NELL1: variants seen among roughly 807,000 people sequenced by gnomAD.
The protein encoded by NELL1 is neural EGFL like 1.
A neutral mutation model predicts 107.4 loss-of-function variants in NELL1; 76 were observed. The ratio of observed to expected loss-of-function variants is 0.71; its 90% CI spans 0.59 to 0.86. The LOEUF (loss-of-function observed/expected upper bound fraction) is 0.86, where lower values mean the gene tolerates loss of function less well. NELL1 is among the 40% of genes least tolerant of loss of function. The probability of loss-of-function intolerance (pLI) is 0.00; values close to 1 mark genes in which losing one functional copy is unlikely to be tolerated. For synonymous variants in NELL1, 353 were observed against 341.2 expected, an observed-to-expected ratio of 1.03 and a Z score of -0.38; for missense variants, 1,024 against 1,005.5, an observed-to-expected ratio of 1.02 and a Z score of -0.25.
chr11:21,160,143 A>T (rs755643320), intron 13 of NELL1, among the ~76,000 whole-genome samples: 3 of 152,210 alleles, frequency 2.0e-5, no homozygotes, highest in Non-Finnish European at 4.4e-5. Flanking sequence ...CAAAGAGAGC[A>T]TATGTAGGTC....
intron 13 of NELL1, chr11:21,169,747 A>G: frequency 9.9e-7 from 1 of 1,013,736 alleles, no homozygotes; most frequent in Non-Finnish European, 1.4e-6. Flanking sequence ...GACCAGTCTG[A>G]CTCCTAGGCA....
chr11:20,784,940 A>G (rs894799757), intron 3 of NELL1, among the ~76,000 whole-genome samples: 1 of 152,228 alleles, frequency 6.6e-6, no homozygotes, highest in African/African-American at 2.4e-5. Flanking sequence ...ACAATGAAGT[A>G]TGGAGCTAAT....
intron 14 of NELL1, 86 bp from the exon 15 acceptor site, chr11:21,370,767 A>G: frequency 9.9e-7 from 1 of 1,005,592 alleles, no homozygotes. Flanking sequence ...GCAACAAAGA[A>G]AGAATTGCTT....
intron 2 of NELL1, among the ~76,000 whole-genome samples, chr11:20,701,824 T>C (rs1043769640): frequency 6.6e-6 from 1 of 152,152 alleles, no homozygotes; most frequent in Non-Finnish European, 1.5e-5. Context: ...GTTGTAGATG[T>C]GCGGTATTAT....
intron 15 of NELL1, among the ~76,000 whole-genome samples, chr11:21,467,390 T>C (rs1330949837): frequency 2.6e-5 from 4 of 152,110 alleles, no homozygotes; most frequent in Non-Finnish European, 5.9e-5. Context: ...AATACAATTA[T>C]ATATTTATTG....
chr11:20,980,901 G>A (rs11025847), intron 12 of NELL1, among the ~76,000 whole-genome samples: 6,174 of 152,264 alleles, frequency 0.041, 167 homozygotes, highest in Non-Finnish European at 0.056. Context: ...AGCAATGTGT[G>A]TTGCTTCCAA....
intron 3 of NELL1, among the ~76,000 whole-genome samples, chr11:20,785,279 C>A (rs1360107522): frequency 6.6e-6 from 1 of 152,144 alleles, no homozygotes. Context: ...GGTGATGGAC[C>A]CTGATCATTT....
chr11:21,035,684 C>T (rs1590566685), intron 12 of NELL1, among the ~76,000 whole-genome samples: 2 of 152,040 alleles, frequency 1.3e-5, no homozygotes, highest in African/African-American at 4.8e-5. Context: ...AAATTCAACA[C>T]CCCTCATGTT....
At chr11:21,326,056 T>TG (rs1565169113) in intron 14 of NELL1, among the ~76,000 whole-genome samples, 1 of 75,940 alleles carries the variant, frequency 1.3e-5, no homozygotes, top group Non-Finnish European at 2.8e-5. Flanking sequence ...CTAGTTTTTT[T>TG]TTTTTTTTTT....
chr11:20,762,174 G>A (rs530268933), intron 2 of NELL1, among the ~76,000 whole-genome samples: 1 of 152,314 alleles, frequency 6.6e-6, no homozygotes, highest in East Asian at 1.9e-4. Context: ...TTCCCTAATT[G>A]TTTAGAAATG....
chr11:20,927,155 A>T, intron 7 of NELL1, 153 bp from the exon 8 acceptor site: 1 of 658,112 alleles, frequency 1.5e-6, no homozygotes, highest in South Asian at 2.3e-5. Flanking sequence ...AAAAAAAATA[A>T]AAAAAACAAA....
At chr11:21,462,373 G>A (rs1431307115) in intron 15 of NELL1, among the ~76,000 whole-genome samples, 4 of 152,106 alleles carry the variant, frequency 2.6e-5, no homozygotes, top group Admixed American at 2.0e-4. Context: ...GCTTTTAAAT[G>A]CAATGTCCTA....
At chr11:20,894,568 A>C (rs1849685230) in intron 5 of NELL1, among the ~76,000 whole-genome samples, 1 of 152,234 alleles carries the variant, frequency 6.6e-6, no homozygotes, top group Non-Finnish European at 1.5e-5. Context: ...CCATACTGAG[A>C]TGCTACTGAA....
chr11:20,874,568 T>C (rs1475012077), intron 4 of NELL1, among the ~76,000 whole-genome samples: 3 of 152,214 alleles, frequency 2.0e-5, no homozygotes, highest in Non-Finnish European at 4.4e-5. Flanking sequence ...GTCTGTAAAC[T>C]TTTGGCCTAT....
In NELL1 at chr11:20,918,219, A is replaced by G. The variant is rs754471180; in HGVS notation, c.641A>G (p.Asn214Ser). 1.0e-5 allele frequency: 16 copies of G among 1,599,120 alleles called. No homozygotes were observed. Among genetic ancestry groups the G allele is most frequent in the Non-Finnish European group, 1.4e-5 (16 of 1,167,286 alleles). Residue 214 changes from asparagine to serine, a missense_variant, in exon 6 of 20, where the codon AAT becomes AGT. Physicochemically the swap from Asn to Ser is conservative, Grantham distance 46 (BLOSUM62 1). Coordinates refer to ENST00000357134, the MANE Select transcript of NELL1 (RefSeq NM_006157.5). ...IQDGKIIFMP[N>S]GYITQCPNLN... ...GATGGGAAGATCATCTTTATGCCGAATGGATATATAACACAGTGTCCAAAT... is the reference window on the plus strand; with the variant it reads ...GATGGGAAGATCATCTTTATGCCGAGTGGATATATAACACAGTGTCCAAAT...
chr11:20,722,265 C>T (rs1290607538), intron 2 of NELL1, among the ~76,000 whole-genome samples: 1 of 152,142 alleles, frequency 6.6e-6, no homozygotes, highest in Non-Finnish European at 1.5e-5. Context: ...AAGTGATCTA[C>T]TTGCCTCAGC....
chr11:21,164,776 C>T lies in NELL1; in HGVS notation c.1426+51062C>T, dbSNP rs527393378. On this transcript the variant is annotated intron_variant, in intron 13 of 19. Transcript: ENST00000357134. Reference sequence around the variant, plus strand: ...AACAAAAATCCTCTGATTTGTGCCTCATTTTAAAGACTTTGACTCTGTTTC... The same window carrying T: ...AACAAAAATCCTCTGATTTGTGCCTTATTTTAAAGACTTTGACTCTGTTTC... Among the ~76,000 whole-genome samples the T allele has an allele frequency of 2.6e-5, 4 of 152,298 alleles. No individual in the cohort carries two copies. In the South Asian group the frequency reaches 8.3e-4, roughly 32 times the overall value.
intron 15 of NELL1, among the ~76,000 whole-genome samples, chr11:21,501,558 T>C (rs1855142835): frequency 6.6e-6 from 1 of 152,162 alleles, no homozygotes; most frequent in South Asian, 2.1e-4. Context: ...TCATCAACAA[T>C]GAACTGGACA....
chr11:21,296,816 T>G (rs2133966516), intron 14 of NELL1, among the ~76,000 whole-genome samples: 1 of 151,806 alleles, frequency 6.6e-6, no homozygotes, highest in African/African-American at 2.4e-5. Flanking sequence ...GGGAAGAAAT[T>G]AAATAAAATT....
Sources: allele counts gnomAD v4.1 joint callset (sites outside exome capture counted in the v4.1 genomes callset), GRCh38; gene constraint gnomAD v4.1.1; transcripts MANE v1.5; gene names NCBI Gene and HGNC (gene_info 2026-07-23, HGNC 2026-07-21).